The following CD84 variants were observed in gnomAD, a reference collection of about 807,000 sequenced individuals.
CD84 encodes the protein CD84 molecule.
A neutral mutation model predicts 33.8 loss-of-function variants in CD84; 22 were observed. The observed-to-expected ratio is 0.65, with a 90% CI of 0.46 to 0.93. The LOEUF (loss-of-function observed/expected upper bound fraction) is 0.93. Among genes scored for constraint, CD84 ranks in the 40% least tolerant of loss-of-function variants. The pLI is 0.00. For synonymous variants in CD84, 154 were observed against 145.2 expected, an observed-to-expected ratio of 1.06 and a Z score of -0.44; for missense variants, 400 against 397.6, an observed-to-expected ratio of 1.01 and a Z score of -0.05.
Position 160,547,049 on chromosome 1 carries a change from T to C in CD84, c.*1207A>G, listed in dbSNP as rs1032992915. On this transcript the variant is annotated 3_prime_UTR_variant, in exon 7 of 7. Transcript: ENST00000368054. ...AGGGAAACACTTCCTTAAATGATCA[T>C]ATGAATGTCTTGCTCAGTTGTGAAT... is the stretch of plus-strand genomic sequence containing the variant. 10 of 398,542 alleles carry C rather than the reference T, an allele frequency of 2.5e-5. No homozygotes were observed. The highest frequency in any genetic ancestry group is 1.1e-4 in the East Asian group (3 of 28,086). 24.7% of individuals were successfully genotyped at this position (398,542 alleles called of 1,614,324 possible). A position where few individuals can be genotyped will look rare whatever the true frequency, so the allele number is the denominator to read the frequency against.
intron 6 of CD84, among the ~76,000 whole-genome samples, chr1:160,549,264 T>TA (rs1656025938): frequency 6.6e-6 from 1 of 152,150 alleles, no homozygotes; most frequent in Non-Finnish European, 1.5e-5. Flanking sequence ...ACTCAGCTAT[T>TA]AAACAGGAAT....
At chr1:160,554,260 T>C (rs1055872374) in intron 2 of CD84, 114 bp from the exon 3 acceptor site, 1 of 1,057,976 alleles carries the variant, frequency 9.5e-7, no homozygotes, top group Non-Finnish European at 1.2e-6. Flanking sequence ...AATTAAATTA[T>C]AAAAACATAA....
At chr1:160,552,897 A>G (rs747253545) in intron 4 of CD84, 5 of 636,788 alleles carry the variant, frequency 7.9e-6, no homozygotes, top group African/African-American at 1.8e-5. Context: ...GGTTTTCTGA[A>G]TGGAGAATGG....
At chr1:160,564,851 T>G (rs972360499) in intron 2 of CD84, among the ~76,000 whole-genome samples, 3 of 152,180 alleles carry the variant, frequency 2.0e-5, no homozygotes, top group African/African-American at 7.2e-5. Context: ...AAACTACCCA[T>G]GTGATTAAAT....
chr1:160,548,355 T>C (rs755343517), intron 6 of CD84, 34 bp from the exon 7 acceptor site: 1 of 1,611,378 alleles, frequency 6.2e-7, no homozygotes, highest in Non-Finnish European at 8.5e-7. Context: ...AAATGTTAAC[T>C]GAGAGGTGCT....
chr1:160,561,187 C>T (rs1484554522), intron 2 of CD84, among the ~76,000 whole-genome samples: 8 of 152,140 alleles, frequency 5.3e-5, no homozygotes, highest in African/African-American at 1.9e-4. Context: ...CATCCTGATA[C>T]CAAAACCTGG....
rs192223687 is a variant in CD84, at chr1:160,575,089, G to C, written c.46+4303C>G. On this transcript the variant is annotated intron_variant, in intron 1 of 6. Transcript: ENST00000368054. ...CACCTCCACCCCCTTACTTTCTTAG[G>C]ATCCTCCAGACAAACATTTCTTGTT... 7.9e-4 allele frequency among the ~76,000 whole-genome samples: 120 copies of C among 152,224 alleles called. 1 individual carries two copies. The highest frequency in any genetic ancestry group is 4.4e-3 in the Admixed American group (67 of 15,288).
At chr1:160,567,569 A>G (rs1657408663) in intron 1 of CD84, among the ~76,000 whole-genome samples, 1 of 152,170 alleles carries the variant, frequency 6.6e-6, no homozygotes, top group African/African-American at 2.4e-5. Flanking sequence ...TGTGTTAGGG[A>G]CACAGGGATA....
At position 160,543,323 on chromosome 1, in the gene CD84, T is replaced by A. The variant is rs1299160153; in HGVS notation, c.*4933A>T. On this transcript the variant is annotated 3_prime_UTR_variant, in exon 7 of 7. Transcript: ENST00000368054. ...AAGGCCAAGTACCAGGTAGGGAGAA[T>A]CCACAGGAGGTAAAAAAGGGCCACA... The A allele has an allele frequency of 6.6e-6, 1 of 152,126 alleles. No individual in the cohort carries two copies. The highest frequency in any genetic ancestry group is 1.5e-5 in the Non-Finnish European group (1 of 68,036). The allele number at this position is 152,126 out of a possible 1,614,324, so 9.4% of individuals were successfully genotyped here. A position where few individuals can be genotyped will look rare whatever the true frequency, so the allele number is the denominator to read the frequency against.
Position 160,545,870 on chromosome 1 carries a change from GATC to G in CD84, c.*2383_*2385del, listed in dbSNP as rs1372023599. Reference sequence around the variant, plus strand: ...TCCTCTCAAATTCCTGACCTCAAGTGATCCGCCCACCTTGGCCTCCCAAAGTGC... The same window carrying G: ...TCCTCTCAAATTCCTGACCTCAAGTGCGCCCACCTTGGCCTCCCAAAGTGC... On this transcript the variant is annotated 3_prime_UTR_variant, in exon 7 of 7. Transcript: ENST00000368054. The G allele has an allele frequency of 6.6e-6, 1 of 152,324 alleles. No individual in the cohort carries two copies. The highest frequency in any genetic ancestry group is 1.5e-5 in the Non-Finnish European group (1 of 68,162). The allele number at this position is 152,324 out of a possible 1,614,324, so 9.4% of individuals were successfully genotyped here.
At chr1:160,548,350 T>A (rs372875922) in intron 6 of CD84, 29 bp from the exon 7 acceptor site, 2 of 1,613,434 alleles carry the variant, frequency 1.2e-6, no homozygotes, top group Non-Finnish European at 1.7e-6. Context: ...TGAGAAAATG[T>A]TAACTGAGAG....
rs376344871 is a variant in CD84 at position 160,548,328 on chromosome 1, A to G, written c.922-7T>C. 6.2e-7 allele frequency: 1 copy of G among 1,614,032 alleles called. No homozygotes were observed. The highest frequency in any genetic ancestry group is 8.5e-7 in the Non-Finnish European group (1 of 1,179,996). On this transcript the variant is annotated splice_region_variant and splice_polypyrimidine_tract_variant and intron_variant, in intron 6 of 6. Transcript: ENST00000368054. ...GTGTGCTGGCTTTCCCCATCTGTGC[A>G]GGAGAGAAGCGTGAGAAAATGTTAA...
chr1:160,553,405 A>C lies in CD84; in HGVS notation c.733T>G (p.Leu245Val). 1 of 1,614,146 alleles carries C rather than the reference A, an allele frequency of 6.2e-7. No homozygotes were observed. The highest frequency in any genetic ancestry group is 1.1e-5 in the South Asian group (1 of 91,084). The change falls in exon 4 of 7, where the codon TTG becomes GTG. Residue 245 changes from leucine (L) to valine (V), a missense_variant. Leu to Val is a conservative substitution (Grantham distance 32). Coordinates refer to ENST00000368054, the MANE Select transcript of CD84 (RefSeq NM_003874.4). ...TGTCTTCTCTTGAACAAACGGAACA[A>C]AAACACTGAAGACAGAATGAGAACA... ...LLVLILSSVF[L>V]FRLFKRRQDA...
intron 1 of CD84, among the ~76,000 whole-genome samples, chr1:160,578,272 A>G (rs188705892): frequency 5.3e-4 from 80 of 152,322 alleles, no homozygotes; most frequent in African/African-American, 1.8e-3. Context: ...AGTGGTATCA[A>G]ATGCTACCTT....
intron 1 of CD84, among the ~76,000 whole-genome samples, chr1:160,574,354 C>T (rs1309755724): frequency 6.6e-6 from 1 of 151,980 alleles, no homozygotes; most frequent in Non-Finnish European, 1.5e-5. Context: ...TTTTTTAGAT[C>T]CACAAAATGG....
At position 160,579,381 on chromosome 1, in the gene CD84, T is replaced by G. The variant is rs1658159850; in HGVS notation, c.46+11A>C. The G allele has an allele frequency of 6.2e-7, 1 of 1,613,022 alleles. No homozygotes were observed. ...AAAACTAGGAGGCGATCAGCAAGGG[T>G]CAGAACTCACAGGTTTGCAGGCAAA... On this transcript the variant is annotated intron_variant, in intron 1 of 6. Coordinates refer to ENST00000368054, the MANE Select transcript of CD84 (RefSeq NM_003874.4).
chr1:160,579,041 G>C (rs781412053), intron 1 of CD84, among the ~76,000 whole-genome samples: 28 of 152,104 alleles, frequency 1.8e-4, no homozygotes, highest in Non-Finnish European at 3.4e-4. Context: ...AGAAGAAATT[G>C]CTTGTAAGTC....
Position 160,542,394 on chromosome 1 carries a change from G to C in CD84, c.*5862C>G, listed in dbSNP as rs748010732. 3 of 152,188 alleles carry C rather than the reference G, an allele frequency of 2.0e-5. No homozygotes were observed. Among genetic ancestry groups the C allele is most frequent in the Non-Finnish European group, 4.4e-5 (3 of 68,032 alleles). 9.4% of individuals were successfully genotyped at this position (152,188 alleles called of 1,614,324 possible). A position where few individuals can be genotyped will look rare whatever the true frequency, so the allele number is the denominator to read the frequency against. Reference sequence around the variant, plus strand: ...AGGAAAAACACAAGGAAAGCAAGTTGGGAGGTCAGAAACAGACCTGTGAGT... The same window carrying C: ...AGGAAAAACACAAGGAAAGCAAGTTCGGAGGTCAGAAACAGACCTGTGAGT... On this transcript the variant is annotated 3_prime_UTR_variant, in exon 7 of 7. Transcript: ENST00000368054.
chr1:160,551,220 C>A, intron 4 of CD84, 185 bp from the exon 5 acceptor site: 1 of 583,518 alleles, frequency 1.7e-6, no homozygotes, highest in Non-Finnish European at 3.1e-6. Context: ...AGGCCTCACC[C>A]ACAGGTCAAT....
Sources: gnomAD v4.1 joint callset for allele counts (sites outside exome capture counted in the v4.1 genomes callset) on GRCh38, gnomAD v4.1.1 for gene constraint, MANE v1.5 for transcripts, NCBI Gene and HGNC (gene_info 2026-07-23, HGNC 2026-07-21) for gene names.